MYBL1: variants seen among roughly 807,000 people sequenced by gnomAD.
MYBL1 encodes the protein MYB proto-oncogene like 1, also known as myb-related protein A.
A neutral mutation model predicts 96.3 loss-of-function variants in MYBL1; 17 were observed. The ratio of observed to expected loss-of-function variants is 0.18; its 90% CI spans 0.12 to 0.26. The LOEUF (loss-of-function observed/expected upper bound fraction) is 0.26, where lower values mean the gene tolerates loss of function less well. Ranked by LOEUF, MYBL1 falls within the 10% of genes least tolerant of loss-of-function variation. The pLI is 1.00. For synonymous variants in MYBL1, 282 were observed against 292.7 expected (o/e 0.96, Z 0.37); for missense variants, 701 against 882.9 (o/e 0.79, Z 2.61).
chr8:66,600,808 A>G (rs1038643122), intron 3 of MYBL1, among the ~76,000 whole-genome samples: 2 of 152,194 alleles, frequency 1.3e-5, no homozygotes, highest in African/African-American at 2.4e-5. Context: ...AACCCAAAGT[A>G]GTCAATATTT....
In MYBL1 at chr8:66,562,655, TG is replaced by T. The variant is rs1315180767; in HGVS notation, c.*2041del. On this transcript the variant is annotated 3_prime_UTR_variant, in exon 16 of 16. Coordinates refer to ENST00000522677, the MANE Select transcript of MYBL1 (RefSeq NM_001080416.4). ...ATTATACTTTGGTGATTGCAGACTA[TG>T]TATATCCAGGTAAGGGCTACATTAA... The T allele has an allele frequency of 6.6e-6, 1 of 152,568 alleles. No homozygotes were observed. Among genetic ancestry groups the T allele is most frequent in the Non-Finnish European group, 1.5e-5 (1 of 68,020 alleles). The allele number at this position is 152,568 out of a possible 1,614,324, so 9.5% of individuals were successfully genotyped here.
chr8:66,603,488 C>CTT lies in MYBL1; in HGVS notation c.21-967_21-966dup, dbSNP rs761761993. Among the ~76,000 whole-genome samples the CTT allele has an allele frequency of 3.5e-5, 5 of 144,438 alleles. No individual in the cohort carries two copies. In the East Asian group the frequency reaches 8.0e-4, roughly 23 times the overall value. 94.8% of individuals were successfully genotyped at this position (144,438 alleles called of 152,430 possible). A position where few individuals can be genotyped will look rare whatever the true frequency, so the allele number is the denominator to read the frequency against. On this transcript the variant is annotated intron_variant, in intron 1 of 15. Coordinates refer to ENST00000522677, the MANE Select transcript of MYBL1 (RefSeq NM_001080416.4). ...TTGAACAAATGGAAGAACATTCTGA[C>CTT]TTTTTTTTTTTTTTCCAGACAGGGT...
intron 6 of MYBL1, among the ~76,000 whole-genome samples, chr8:66,593,972 C>CA (rs1809754004): frequency 6.6e-6 from 1 of 151,592 alleles, no homozygotes; most frequent in Non-Finnish European, 1.5e-5. Context: ...CCTGTTTTTA[C>CA]AAAAAATAAA....
chr8:66,605,000 A>G (rs1232151590), intron 1 of MYBL1, among the ~76,000 whole-genome samples: 1 of 152,210 alleles, frequency 6.6e-6, no homozygotes, highest in Non-Finnish European at 1.5e-5. Context: ...TTCCCAACAG[A>G]GACATAATAC....
At chr8:66,585,791 C>CA (rs1376836223) in intron 8 of MYBL1, among the ~76,000 whole-genome samples, 1 of 151,810 alleles carries the variant, frequency 6.6e-6, no homozygotes, top group Admixed American at 6.6e-5. Context: ...ATTGTTTGGG[C>CA]AAAAATTTTA....
intron 12 of MYBL1, among the ~76,000 whole-genome samples, chr8:66,567,526 A>AGT (rs111352513): frequency 0.065 from 9,490 of 146,808 alleles, 380 homozygotes; most frequent in African/African-American, 0.12. Context: ...AGAGAGAGTG[A>AGT]GTGTGTGTGT....
chr8:66,575,331 A>T (rs116248821), intron 10 of MYBL1, among the ~76,000 whole-genome samples: 1 of 152,368 alleles, frequency 6.6e-6, no homozygotes, highest in African/African-American at 2.4e-5. Flanking sequence ...TTTATCAGGT[A>T]TATCTATCGA....
intron 3 of MYBL1, among the ~76,000 whole-genome samples, chr8:66,599,859 G>T (rs1269934680): frequency 6.6e-6 from 1 of 151,886 alleles, no homozygotes; most frequent in African/African-American, 2.4e-5. Flanking sequence ...ACGTAGTTCA[G>T]CAGTACCTAA....
chr8:66,591,849 ATATT>A (rs1262763670), intron 8 of MYBL1, among the ~76,000 whole-genome samples: 1 of 152,134 alleles, frequency 6.6e-6, no homozygotes, highest in Non-Finnish European at 1.5e-5. Flanking sequence ...ATATGTGTGT[ATATT>A]TATATATATA....
intron 6 of MYBL1, among the ~76,000 whole-genome samples, chr8:66,594,790 T>G (rs1450986298): frequency 6.6e-6 from 1 of 152,182 alleles, no homozygotes; most frequent in African/African-American, 2.4e-5. Flanking sequence ...AACTTAACAA[T>G]GTCCACAAAA....
chr8:66,575,933 A>G, intron 10 of MYBL1, 74 bp downstream of exon 10: 1 of 1,442,022 alleles, frequency 6.9e-7, no homozygotes, highest in African/African-American at 1.4e-5. Flanking sequence ...ACCAACTGCT[A>G]GTAAGGATGT....
intron 12 of MYBL1, among the ~76,000 whole-genome samples, chr8:66,571,009 G>A (rs1178815320): frequency 6.6e-6 from 1 of 152,114 alleles, no homozygotes; most frequent in East Asian, 1.9e-4. Flanking sequence ...TAGAAGATGT[G>A]CGTGTGTAAC....
chr8:66,576,293 A>G lies in MYBL1; in HGVS notation c.1184T>C (p.Leu395Ser). 6.2e-7 allele frequency: 1 copy of G among 1,614,006 alleles called. No individual in the cohort carries two copies. The highest frequency in any genetic ancestry group is 1.1e-5 in the South Asian group (1 of 91,082). The change falls in exon 10 of 16, where the codon TTA becomes TCA. Residue 395 changes from leucine (L) to serine (S), a missense_variant. Physicochemically the swap from Leu to Ser is moderately radical, Grantham distance 145. Around this residue, in one of 5 missense-constraint regions of MYBL1, gnomAD observed 396 missense variants for 407.4 expected, o/e 0.97. Coordinates refer to ENST00000522677, the MANE Select transcript of MYBL1 (RefSeq NM_001080416.4). ...TCCTTCATTGTGCTGAATTCTCATT[A>G]ATTTAACTGGGGTGGATTTGATAGG... ...ASPIKSTPVK[L>S]MRIQHNEGAM...
At chr8:66,586,042 G>GTTTTTTTTTTTTTTT (rs578179482) in intron 8 of MYBL1, among the ~76,000 whole-genome samples, 1 of 105,826 alleles carries the variant, frequency 9.4e-6, no homozygotes, top group African/African-American at 3.6e-5. Context: ...GTTTTTTGGT[G>GTTTTTTTTTTTTTTT]TTTTTTTTTT....
intron 9 of MYBL1, among the ~76,000 whole-genome samples, chr8:66,576,629 TAA>T (rs536252793): frequency 5.5e-4 from 84 of 152,288 alleles, no homozygotes; most frequent in South Asian, 3.7e-3. Context: ...GAACAAATGA[TAA>T]GTTATTATCA....
At position 66,573,517 on chromosome 8, in the gene MYBL1, AAG is replaced by A. The variant is rs774509278; in HGVS notation, c.1471-13_1471-12del. On this transcript the variant is annotated splice_polypyrimidine_tract_variant and intron_variant, in intron 10 of 15. Transcript: ENST00000522677. ...ACATGTGTTGAAAAACTAGAAAGGGAAGAGAGTTTAAAGACGACTTCTAGAAC... is the reference window on the plus strand; with the variant it reads ...ACATGTGTTGAAAAACTAGAAAGGGAAGAGTTTAAAGACGACTTCTAGAAC... 2.5e-6 allele frequency: 4 copies of A among 1,588,388 alleles called. No individual in the cohort carries two copies. The highest frequency in any genetic ancestry group is 2.3e-5 in the South Asian group (2 of 85,150).
chr8:66,577,695 C>A (rs1469464641), intron 9 of MYBL1, among the ~76,000 whole-genome samples: 1 of 152,082 alleles, frequency 6.6e-6, no homozygotes, highest in Non-Finnish European at 1.5e-5. Flanking sequence ...ATCAAGCTAC[C>A]AATGACTTTC....
At chr8:66,602,336 C>A in intron 2 of MYBL1, 82 bp downstream of exon 2, 2 of 915,414 alleles carry the variant, frequency 2.2e-6, no homozygotes, top group Middle Eastern at 2.4e-4. Context: ...CAGGCGTGAG[C>A]CACCACACCT....
chr8:66,566,048 AT>A lies in MYBL1; in HGVS notation c.2130+15del. On this transcript the variant is annotated intron_variant, in intron 15 of 15. Coordinates refer to ENST00000522677, the MANE Select transcript of MYBL1 (RefSeq NM_001080416.4). The stretch of plus-strand genomic sequence containing the variant: ...AACAAAAACAAAAATCACTAAAGAA[AT>A]TTATAAATCCATACCTGAAGATTCT... The A allele has an allele frequency of 6.8e-7, 1 of 1,467,322 alleles. No homozygotes were observed. The highest frequency in any genetic ancestry group is 9.1e-7 in the Non-Finnish European group (1 of 1,102,128). 90.9% of individuals were successfully genotyped at this position (1,467,322 alleles called of 1,614,324 possible). A position where few individuals can be genotyped will look rare whatever the true frequency, so the allele number is the denominator to read the frequency against.
Sources: gnomAD v4.1 joint callset for allele counts (sites outside exome capture counted in the v4.1 genomes callset) on GRCh38, gnomAD v4.1.1 for gene constraint, gnomAD v4.1.1 regional missense constraint, MANE v1.5 for transcripts, NCBI Gene and HGNC (gene_info 2026-07-23, HGNC 2026-07-21) for gene names.